PRR15: variants seen among roughly 807,000 people sequenced by gnomAD.
PRR15 encodes the protein proline rich 15, also known as proline-rich protein 15.
Under a neutral mutation model 3.0 loss-of-function variants are expected in PRR15, and 4 were observed. That is an observed-to-expected ratio of 1.34 (90% confidence interval 0.66 to 3.08). The LOEUF (loss-of-function observed/expected upper bound fraction) is 3.08, where lower values mean the gene tolerates loss of function less well. Ranked by LOEUF, PRR15 falls within the 30% of genes most tolerant of loss-of-function variation. The pLI, the probability that PRR15 is intolerant of heterozygous loss-of-function variation, is 0.01. For missense variants in PRR15, 200 were observed against 179.5 expected (o/e 1.11, Z -0.65); for synonymous variants, 82 against 79.8 (o/e 1.03, Z -0.14).
intron 1 of PRR15, chr7:29,565,332 G>A (rs1236636456): frequency 6.6e-6 from 1 of 152,214 alleles, no homozygotes; most frequent in African/African-American, 2.4e-5. Context: ...GAGTTGCGTC[G>A]TACAGACTCG....
At chr7:29,565,449 G>A (rs1583500684) in intron 1 of PRR15, 1 of 152,314 alleles carries the variant, frequency 6.6e-6, no homozygotes, top group East Asian at 1.9e-4. Flanking sequence ...GGGCTCTGGG[G>A]AGTAAAAGGA....
At position 29,566,506 on chromosome 7, in the gene PRR15, C is replaced by T. The variant is rs377399118; in HGVS notation, c.177C>T (p.Asn59=). The change falls in exon 2 of 2, where the codon AAC becomes AAT. Residue 59 remains asparagine, a synonymous_variant. Coordinates refer to ENST00000319694, the MANE Select transcript of PRR15 (RefSeq NM_175887.3). ...ACTGGACCAGCAGCTCCCGGGAGAACCAGCACCCCAATCTCCTCGGGGGCG... is the reference window on the plus strand; with the variant it reads ...ACTGGACCAGCAGCTCCCGGGAGAATCAGCACCCCAATCTCCTCGGGGGCG... ...SPDWTSSSRE[N]QHPNLLGGAG... is the part of the protein sequence containing the mutation. 3.7e-6 allele frequency: 6 copies of T among 1,601,888 alleles called. No individual in the cohort carries two copies. Among genetic ancestry groups the T allele is most frequent in the East Asian group, 4.5e-5 (2 of 44,216 alleles).
Position 29,566,642 on chromosome 7 carries a change from G to A in PRR15, c.313G>A (p.Ala105Thr), listed in dbSNP as rs764136558. The A allele has an allele frequency of 6.3e-7, 1 of 1,590,174 alleles. No homozygotes were observed. Among genetic ancestry groups the A allele is most frequent in the South Asian group, 1.1e-5 (1 of 87,692 alleles). The change falls in exon 2 of 2, where the codon GCC becomes ACC. Residue 105 changes from alanine (A) to threonine (T), a missense_variant. Coordinates refer to ENST00000319694, the MANE Select transcript of PRR15 (RefSeq NM_175887.3). ...GRFKEKRKVR[A>T]TLLPEAGRSP... Reference sequence around the variant, plus strand: ...CTTTAAGGAGAAGAGGAAAGTGCGCGCCACGCTGCTCCCGGAGGCGGGCAG... The same window carrying A: ...CTTTAAGGAGAAGAGGAAAGTGCGCACCACGCTGCTCCCGGAGGCGGGCAG...
At position 29,566,616 on chromosome 7, in the gene PRR15, G is replaced by C. The variant is rs774986809; in HGVS notation, c.287G>C (p.Arg96Pro). The C allele has an allele frequency of 2.5e-6, 4 of 1,602,204 alleles. No individual in the cohort carries two copies. The African/African-American group carries it at 4.0e-5, about 16-fold the overall frequency. The change falls in exon 2 of 2, where the codon CGC (arginine) becomes CCC (proline). Residue 96 changes from arginine to proline, a missense_variant. Physicochemically the swap from Arg to Pro is moderately radical, Grantham distance 103. Transcript: ENST00000319694. Reference protein sequence around the residue: ...RRNLKISRSGRFKEKRKVRAT... With the variant: ...RRNLKISRSGPFKEKRKVRAT... ...AATTTGAAGATCTCGCGCTCCGGCC[G>C]CTTTAAGGAGAAGAGGAAAGTGCGC...
Position 29,566,525 on chromosome 7 carries a change from G to A in PRR15, c.196G>A (p.Gly66Arg), listed in dbSNP as rs375384743. 1.2e-6 allele frequency: 2 copies of A among 1,605,290 alleles called. No individual in the cohort carries two copies. The highest frequency in any genetic ancestry group is 1.3e-5 in the African/African-American group (1 of 74,638). Residue 66 changes from glycine (G) to arginine (R), a missense_variant, in exon 2 of 2, where the codon GGG (glycine) becomes AGG (arginine). Physicochemically the swap from Gly to Arg is moderately radical, Grantham distance 125. Coordinates refer to ENST00000319694, the MANE Select transcript of PRR15 (RefSeq NM_175887.3). ...SRENQHPNLL[G>R]GAGEPPKPDK... ...GGAGAACCAGCACCCCAATCTCCTC[G>A]GGGGCGCCGGCGAGCCCCCCAAACC...
At chr7:29,565,359 A>C (rs1467083688) in intron 1 of PRR15, 1 of 152,206 alleles carries the variant, frequency 6.6e-6, no homozygotes, top group East Asian at 1.9e-4. Context: ...ATTTTAATAC[A>C]AAACTAAGGG....
intron 1 of PRR15, chr7:29,565,382 G>T (rs1375514953): frequency 6.6e-6 from 1 of 152,186 alleles, no homozygotes; most frequent in Non-Finnish European, 1.5e-5. Flanking sequence ...GAGGCCATTT[G>T]ATACTTGGCT....
chr7:29,567,074 G>A lies in PRR15; in HGVS notation c.*355G>A. The A allele has an allele frequency of 4.4e-6, 1 of 229,332 alleles. No homozygotes were observed. Among genetic ancestry groups the A allele is most frequent in the Non-Finnish European group, 9.1e-6 (1 of 110,402 alleles). The allele number at this position is 229,332 out of a possible 1,614,324, so 14.2% of individuals were successfully genotyped here. A position where few individuals can be genotyped will look rare whatever the true frequency, so the allele number is the denominator to read the frequency against. On this transcript the variant is annotated 3_prime_UTR_variant, in exon 2 of 2. Coordinates refer to ENST00000319694, the MANE Select transcript of PRR15 (RefSeq NM_175887.3). ...TGTAGCCTCTCAAATGAAGAAGGTG[G>A]CTGTTATTTAGGACTCTGTGGAAAG...
At position 29,566,673 on chromosome 7, in the gene PRR15, C is replaced by T; in HGVS notation, c.344C>T (p.Pro115Leu). ...CTGCTCCCGGAGGCGGGCAGGTCCC[C>T]GGAGGAGGCAGGCTTTCCTGGTGAC... ...ATLLPEAGRS[P>L]EEAGFPGDPH... is the part of the protein sequence containing the mutation. Residue 115 changes from proline to leucine, a missense_variant, in exon 2 of 2, where the codon CCG becomes CTG. Coordinates refer to ENST00000319694, the MANE Select transcript of PRR15 (RefSeq NM_175887.3). The T allele has an allele frequency of 3.2e-6, 5 of 1,571,000 alleles. No homozygotes were observed. The highest frequency in any genetic ancestry group is 1.2e-5 in the South Asian group (1 of 85,498).
chr7:29,565,480 C>A (rs1394132347), intron 1 of PRR15: 7 of 152,248 alleles, frequency 4.6e-5, no homozygotes, highest in Admixed American at 2.0e-4. Flanking sequence ...TGGCGGTTTT[C>A]AAGGGAAGTT....
chr7:29,566,956 T>A lies in PRR15; in HGVS notation c.*237T>A. 4.5e-6 allele frequency: 2 copies of A among 446,150 alleles called. No homozygotes were observed. Among genetic ancestry groups the A allele is most frequent in the Non-Finnish European group, 7.9e-6 (2 of 252,176 alleles). The allele number at this position is 446,150 out of a possible 1,614,324, so 27.6% of individuals were successfully genotyped here. A position where few individuals can be genotyped will look rare whatever the true frequency, so the allele number is the denominator to read the frequency against. On this transcript the variant is annotated 3_prime_UTR_variant, in exon 2 of 2. Coordinates refer to ENST00000319694, the MANE Select transcript of PRR15 (RefSeq NM_175887.3). Reference sequence around the variant, plus strand: ...TTTATTTGTGGTAAGAGAAGATACCTGCCGCGGAGGAGGGTGGCATAATTA... The same window carrying A: ...TTTATTTGTGGTAAGAGAAGATACCAGCCGCGGAGGAGGGTGGCATAATTA...
Position 29,566,420 on chromosome 7 carries a change from G to A in PRR15, c.91G>A (p.Val31Met), listed in dbSNP as rs775125430. The A allele has an allele frequency of 6.2e-7, 1 of 1,609,028 alleles. No individual in the cohort carries two copies. ...RKKSKEAAVG[V>M]PPPAQPAPGE... ...GAAAAGCAAGGAAGCCGCAGTGGGG[G>A]TGCCGCCTCCCGCCCAGCCCGCTCC... Residue 31 changes from valine to methionine, a missense_variant, in exon 2 of 2, where the codon GTG becomes ATG. By Grantham distance (21) the Val-to-Met change is conservative. Transcript: ENST00000319694.
rs1792833341 is a variant in PRR15, at chr7:29,564,287, C to T, written c.-236C>T. 1 of 152,348 alleles carries T rather than the reference C, an allele frequency of 6.6e-6. No individual in the cohort carries two copies. Among genetic ancestry groups the T allele is most frequent in the South Asian group, 2.1e-4 (1 of 4,832 alleles). 9.4% of individuals were successfully genotyped at this position (152,348 alleles called of 1,614,324 possible). A position where few individuals can be genotyped will look rare whatever the true frequency, so the allele number is the denominator to read the frequency against. ...CAAGTCCGCGCCCAGGGACTCGAGC[C>T]CCGGCTTCCAGGTTGACCCGAGCGC... On this transcript the variant is annotated 5_prime_UTR_variant, in exon 1 of 2. Transcript: ENST00000319694.
rs1252449525 is a variant in PRR15, at chr7:29,566,708, G to T, written c.379G>T (p.Asp127Tyr). ...AGGCTTTCCTGGTGACCCCCACGAG[G>T]ACAAGCAGTAGCCCCAATAGCCTGC... is the stretch of plus-strand genomic sequence containing the variant. ...EAGFPGDPHE[D>Y]KQ Residue 127 changes from aspartate to tyrosine, a missense_variant, in exon 2 of 2, where the codon GAC becomes TAC. Asp to Tyr is a radical substitution (Grantham distance 160). Coordinates refer to ENST00000319694, the MANE Select transcript of PRR15 (RefSeq NM_175887.3). 1.9e-6 allele frequency: 3 copies of T among 1,558,214 alleles called. No homozygotes were observed. The highest frequency in any genetic ancestry group is 2.4e-5 in the South Asian group (2 of 84,100).
At chr7:29,566,146 TCAAC>T (rs901439177) in intron 1 of PRR15, 35 bp from the exon 2 acceptor site, 15 of 718,280 alleles carry the variant, frequency 2.1e-5, no homozygotes, top group Admixed American at 1.2e-4. Flanking sequence ...GCACGTGACT[TCAAC>T]CAACCCAGTA....
In PRR15 at chr7:29,566,293, T is replaced by C; in HGVS notation, c.-37T>C. On this transcript the variant is annotated 5_prime_UTR_variant, in exon 2 of 2. Transcript: ENST00000319694. ...TGGAGAAAGGGGCCGCTTTGGCCCTTCCATCTGGGTGCCGGGAGCCCCTAG... is the reference window on the plus strand; with the variant it reads ...TGGAGAAAGGGGCCGCTTTGGCCCTCCCATCTGGGTGCCGGGAGCCCCTAG... The C allele has an allele frequency of 6.4e-7, 1 of 1,572,468 alleles. No homozygotes were observed. Among genetic ancestry groups the C allele is most frequent in the Non-Finnish European group, 8.6e-7 (1 of 1,166,256 alleles).
At chr7:29,564,559 C>A (rs1026393721) in intron 1 of PRR15, among the ~76,000 whole-genome samples, 182 bp downstream of exon 1, 2 of 152,166 alleles carry the variant, frequency 1.3e-5, no homozygotes, top group Non-Finnish European at 2.9e-5. Context: ...CTTTTCCTTG[C>A]GCAATTCGTA....
rs554247246 is a variant in PRR15 at position 29,564,989 on chromosome 7, C to A, written c.-146+612C>A. ...ACACCGCCGAAGTTTCCCTCTCCAG[C>A]GCGATCGCCAATCCCAGGAGCGCCC... On this transcript the variant is annotated intron_variant, in intron 1 of 1. Coordinates refer to ENST00000319694, the MANE Select transcript of PRR15 (RefSeq NM_175887.3). Among the ~76,000 whole-genome samples the A allele has an allele frequency of 2.6e-5, 4 of 152,334 alleles. No individual in the cohort carries two copies. In the East Asian group the frequency reaches 7.8e-4, roughly 30 times the overall value.
Position 29,566,914 on chromosome 7 carries a change from C to A in PRR15, c.*195C>A. The A allele has an allele frequency of 1.9e-6, 1 of 526,904 alleles. No individual in the cohort carries two copies. The highest frequency in any genetic ancestry group is 3.3e-6 in the Non-Finnish European group (1 of 303,276). 32.6% of individuals were successfully genotyped at this position (526,904 alleles called of 1,614,324 possible). The stretch of plus-strand genomic sequence containing the variant: ...TTGGGTTCTCAATATTTCATGACTC[C>A]AAGGATGCATTAAATATTTATTTGT... On this transcript the variant is annotated 3_prime_UTR_variant, in exon 2 of 2. Transcript: ENST00000319694.
Sources: allele counts gnomAD v4.1 joint callset (sites outside exome capture counted in the v4.1 genomes callset), GRCh38; gene constraint gnomAD v4.1.1; transcripts MANE v1.5; gene names NCBI Gene and HGNC (gene_info 2026-07-23, HGNC 2026-07-21).